Variants in ABCC2 observed in about 807,000 individuals in gnomAD.
ABCC2 encodes ATP-binding cassette sub-family C member 2.
A neutral mutation model predicts 173.4 loss-of-function variants in ABCC2; 157 were observed. The ratio of observed to expected loss-of-function variants is 0.91; its 90% confidence interval spans 0.80 to 1.03. The LOEUF (loss-of-function observed/expected upper bound fraction) is 1.03, where lower values mean the gene tolerates loss of function less well. Among genes scored for constraint, ABCC2 ranks in the 50% least tolerant of loss-of-function variants. The probability of loss-of-function intolerance (pLI) is 0.00; values close to 1 mark genes in which losing one functional copy is unlikely to be tolerated. For missense variants in ABCC2, 1,822 were observed against 1,852.3 expected (o/e 0.98, Z 0.30); for synonymous variants, 657 against 693.5 (o/e 0.95, Z 0.83).
chr10:99,784,640 C>T lies in ABCC2; in HGVS notation c.66C>T (p.Asp22=), dbSNP rs774887685. Residue 22 remains aspartate, a synonymous_variant, in exon 2 of 32, where the codon GAC becomes GAT. Transcript: ENST00000647814. ...CATTCCTGGACAGTCCGGAGGCAGA[C>T]CTGCCACTTTGTTTTGAGCAAACTG... is the stretch of plus-strand genomic sequence containing the variant. ...NSSFLDSPEA[D]LPLCFEQTVL... The T allele has an allele frequency of 1.2e-6, 2 of 1,614,222 alleles. No individual in the cohort carries two copies. The highest frequency in any genetic ancestry group is 1.7e-6 in the Non-Finnish European group (2 of 1,180,042).
chr10:99,784,876 A>G, intron 2 of ABCC2, 95 bp downstream of exon 2: 1 of 1,490,594 alleles, frequency 6.7e-7, no homozygotes, highest in African/African-American at 1.4e-5. Flanking sequence ...GTCTTTAAGC[A>G]GCTGTCCCAG....
chr10:99,820,441 A>G (rs2038513937), intron 19 of ABCC2, among the ~76,000 whole-genome samples: 1 of 152,144 alleles, frequency 6.6e-6, no homozygotes, highest in Non-Finnish European at 1.5e-5. Flanking sequence ...AACCACCCTG[A>G]GAAGCCCAAG....
chr10:99,825,322 G>A (rs1045124709), intron 19 of ABCC2, among the ~76,000 whole-genome samples: 4 of 152,136 alleles, frequency 2.6e-5, no homozygotes, highest in Non-Finnish European at 2.9e-5. Flanking sequence ...TGCCTATGCC[G>A]ACAAATCCTG....
chr10:99,793,511 T>C (rs200796502), intron 3 of ABCC2, 40 bp from the exon 4 acceptor site: 74 of 1,613,408 alleles, frequency 4.6e-5, no homozygotes, highest in Non-Finnish European at 5.7e-5. Context: ...CCTCGGTTAG[T>C]GGCAGTATTC....
chr10:99,825,145 G>T (rs2038611848), intron 19 of ABCC2, among the ~76,000 whole-genome samples: 2 of 150,522 alleles, frequency 1.3e-5, no homozygotes, highest in African/African-American at 2.5e-5. Flanking sequence ...TTTGACTCGT[G>T]GGGCTATATA....
chr10:99,840,341 C>T (rs2038915590), intron 25 of ABCC2, among the ~76,000 whole-genome samples: 3 of 144,424 alleles, frequency 2.1e-5, no homozygotes, highest in African/African-American at 5.0e-5. Flanking sequence ...TGTCCTGGCT[C>T]CGCACTGCCC....
rs2038748414 is a variant in ABCC2 at position 99,831,968 on chromosome 10, C to T, written c.3104-9C>T. The T allele has an allele frequency of 6.2e-7, 1 of 1,614,220 alleles. No individual in the cohort carries two copies. The highest frequency in any genetic ancestry group is 8.5e-7 in the Non-Finnish European group (1 of 1,180,024). ...TGCATGGTGCTGACAAAACTGCTTC[C>T]ATCTCTAGGTATATTTGTGTTCATA... On this transcript the variant is annotated splice_polypyrimidine_tract_variant and intron_variant, in intron 22 of 31. Coordinates refer to ENST00000647814, the MANE Select transcript of ABCC2 (RefSeq NM_000392.5).
intron 19 of ABCC2, among the ~76,000 whole-genome samples, chr10:99,821,868 G>C (rs1185873586): frequency 7.1e-6 from 1 of 140,236 alleles, no homozygotes; most frequent in East Asian, 2.1e-4. Context: ...CTGTCTCTTC[G>C]GAGCTGTTGG....
At position 99,810,061 on chromosome 10, in the gene ABCC2, G is replaced by A. The variant is rs540612737; in HGVS notation, c.1816-73G>A. On this transcript the variant is annotated intron_variant, in intron 13 of 31. Coordinates refer to ENST00000647814, the MANE Select transcript of ABCC2 (RefSeq NM_000392.5). ...GGCAAATAGAAAATCATGGACTAAC[G>A]ACAAAGTCAAAATCTCTCTGCTTGT... 119 of 1,432,458 alleles carry A rather than the reference G, an allele frequency of 8.3e-5. No homozygotes were observed. In the South Asian group the frequency reaches 1.0e-3, roughly 13 times the overall value. The allele number at this position is 1,432,458 out of a possible 1,614,324, so 88.7% of individuals were successfully genotyped here.
Position 99,810,123 on chromosome 10 carries a change from T to C in ABCC2, c.1816-11T>C. Reference sequence around the variant, plus strand: ...ACTTTAATTCTTGAGATCCTTTGTGTCCTTCTCTAGGCCAGTGTTTCCACA... The same window carrying C: ...ACTTTAATTCTTGAGATCCTTTGTGCCCTTCTCTAGGCCAGTGTTTCCACA... On this transcript the variant is annotated splice_polypyrimidine_tract_variant and intron_variant, in intron 13 of 31. Transcript: ENST00000647814. 1 of 1,612,258 alleles carries C rather than the reference T, an allele frequency of 6.2e-7. No homozygotes were observed. Among genetic ancestry groups the C allele is most frequent in the Non-Finnish European group, 8.5e-7 (1 of 1,178,412 alleles).
At chr10:99,834,107 C>A (rs1005234575) in intron 23 of ABCC2, among the ~76,000 whole-genome samples, 2 of 152,172 alleles carry the variant, frequency 1.3e-5, no homozygotes, top group African/African-American at 2.4e-5. Flanking sequence ...GTCTTGAACT[C>A]CCGATCTCAG....
intron 2 of ABCC2, among the ~76,000 whole-genome samples, chr10:99,785,331 A>G (rs2037687766): frequency 6.6e-6 from 1 of 152,168 alleles, no homozygotes; most frequent in African/African-American, 2.4e-5. Flanking sequence ...GAAATAATGG[A>G]AAGGACAGGT....
At chr10:99,805,135 G>A (rs2038077997) in intron 10 of ABCC2, among the ~76,000 whole-genome samples, 1 of 152,136 alleles carries the variant, frequency 6.6e-6, no homozygotes, top group Non-Finnish European at 1.5e-5. Flanking sequence ...TGGGAGGTGG[G>A]TACAGTCAGG....
chr10:99,810,702 G>C (rs2038195216), intron 14 of ABCC2, among the ~76,000 whole-genome samples: 1 of 152,190 alleles, frequency 6.6e-6, no homozygotes, highest in Non-Finnish European at 1.5e-5. Flanking sequence ...AGGAATCTGG[G>C]CTACCAGTAG....
chr10:99,845,844 A>G (rs983904855), intron 29 of ABCC2, 62 bp downstream of exon 29: 27 of 1,524,782 alleles, frequency 1.8e-5, no homozygotes, highest in Non-Finnish European at 2.2e-5. Flanking sequence ...CAGGAAACAT[A>G]TGCAGCTTCT....
At chr10:99,813,402 G>A (rs1284985797) in intron 16 of ABCC2, among the ~76,000 whole-genome samples, 1 of 152,166 alleles carries the variant, frequency 6.6e-6, no homozygotes, top group African/African-American at 2.4e-5. Context: ...CTGCTGATTA[G>A]AGAGGTCTTC....
intron 11 of ABCC2, 112 bp from the exon 12 acceptor site, chr10:99,807,272 A>G: frequency 1.5e-6 from 2 of 1,375,604 alleles, no homozygotes; most frequent in Middle Eastern, 2.0e-4. Context: ...TATAATCTGG[A>G]TTTCTATTCC....
At chr10:99,832,195 AATT>A in intron 23 of ABCC2, 64 bp downstream of exon 23, 1 of 1,588,592 alleles carries the variant, frequency 6.3e-7, no homozygotes, top group Non-Finnish European at 8.6e-7. Context: ...GATAGGGAGG[AATT>A]ATTATGTCCC....
intron 2 of ABCC2, 129 bp from the exon 3 acceptor site, chr10:99,792,104 TC>T: frequency 8.4e-7 from 1 of 1,195,432 alleles, no homozygotes; most frequent in Non-Finnish European, 1.2e-6. Flanking sequence ...ATCCATTCTT[TC>T]CAGAAATATT....
Sources: allele counts gnomAD v4.1 joint callset (sites outside exome capture counted in the v4.1 genomes callset), GRCh38; gene constraint gnomAD v4.1.1; transcripts MANE v1.5; gene names NCBI Gene and HGNC (gene_info 2026-07-23, HGNC 2026-07-21).